Variants in INSYN2B observed in about 807,000 individuals in gnomAD.
INSYN2B encodes the protein inhibitory synaptic factor family member 2B.
A neutral mutation model predicts 41.2 loss-of-function variants in INSYN2B; 16 were observed. The ratio of observed to expected loss-of-function variants is 0.39; its 90% CI spans 0.26 to 0.59. The LOEUF is 0.59. Ranked by LOEUF, INSYN2B falls within the 20% of genes least tolerant of loss-of-function variation. INSYN2B has a pLI of 0.57. For missense variants in INSYN2B, 608 were observed against 646.4 expected (o/e 0.94, Z 0.64); for synonymous variants, 245 against 244.4 (o/e 1.00, Z -0.02).
intron 1 of INSYN2B, among the ~76,000 whole-genome samples, chr5:169,937,171 C>G (rs972567318): frequency 6.6e-6 from 1 of 152,210 alleles, no homozygotes; most frequent in African/African-American, 2.4e-5. Context: ...GTATAGTTGT[C>G]CAGAGCTGCT....
At chr5:169,938,041 T>C (rs1776071814) in intron 1 of INSYN2B, among the ~76,000 whole-genome samples, 2 of 152,238 alleles carry the variant, frequency 1.3e-5, no homozygotes, top group Admixed American at 6.5e-5. Flanking sequence ...CCATTAAGTT[T>C]TGAAAGAGCC....
chr5:169,979,258 G>C lies in INSYN2B; in HGVS notation c.-919+1019C>G, dbSNP rs1777852792. 2.0e-5 allele frequency among the ~76,000 whole-genome samples: 3 copies of C among 152,192 alleles called. No homozygotes were observed. The South Asian group carries it at 6.2e-4, about 32-fold the overall frequency. ...TTTGAACAACGTCAGTGTTAGGGCT[G>C]TCTAAGTTGCTAGGGCAAATGCAGT... On this transcript the variant is annotated intron_variant, in intron 1 of 3. Transcript: ENST00000377365.
intron 1 of INSYN2B, chr5:169,934,800 T>TA (rs1775913219): frequency 4.5e-6 from 2 of 444,876 alleles, no homozygotes; most frequent in Non-Finnish European, 9.1e-6. Flanking sequence ...GTTTCATTAT[T>TA]ATCTGTATGA....
rs535244796 is a variant in INSYN2B at position 169,904,636 on chromosome 5, A to G, written c.-918-19820T>C. 3.3e-5 allele frequency among the ~76,000 whole-genome samples: 5 copies of G among 152,246 alleles called. No individual in the cohort carries two copies. The East Asian group carries it at 9.6e-4, about 29-fold the overall frequency. On this transcript the variant is annotated intron_variant, in intron 1 of 3. Transcript: ENST00000377365. ...GGCCTTCCAACCAGCCTCTCCCCCT[A>G]GTGAGGGCCCCGCAGTCCTTTAAGA...
intron 1 of INSYN2B, among the ~76,000 whole-genome samples, chr5:169,937,137 C>T (rs749178833): frequency 1.5e-4 from 23 of 152,148 alleles, no homozygotes; most frequent in Admixed American, 3.9e-4. Flanking sequence ...AGTTTTACTG[C>T]GGCACAGATA....
intron 1 of INSYN2B, among the ~76,000 whole-genome samples, chr5:169,904,686 A>G (rs1437300638): frequency 6.6e-6 from 1 of 152,172 alleles, no homozygotes; most frequent in Non-Finnish European, 1.5e-5. Flanking sequence ...TTAAACAGAC[A>G]ATAAGTCTGA....
chr5:169,866,328 G>C (rs879652713), intron 3 of INSYN2B, among the ~76,000 whole-genome samples: 1 of 152,170 alleles, frequency 6.6e-6, no homozygotes, highest in African/African-American at 2.4e-5. Flanking sequence ...TGAAACATAG[G>C]CTGTGGTTTT....
chr5:169,950,556 G>A (rs373543218), intron 1 of INSYN2B, among the ~76,000 whole-genome samples: 2 of 152,288 alleles, frequency 1.3e-5, no homozygotes, highest in African/African-American at 4.8e-5. Context: ...CATTCTCTGG[G>A]GGTTGTGTCA....
chr5:169,895,305 T>C lies in INSYN2B; in HGVS notation c.-918-10489A>G, dbSNP rs1773531841. ...TTCCTTTCTCTCCCTCCTCCTTCCC[T>C]CTCTTGTTTCTTGCAAAGGGAAGAG... is the stretch of plus-strand genomic sequence containing the variant. On this transcript the variant is annotated intron_variant, in intron 1 of 3. Transcript: ENST00000377365. Among the ~76,000 whole-genome samples, 4 of 152,146 alleles carry C rather than the reference T, an allele frequency of 2.6e-5. No individual in the cohort carries two copies. In the South Asian group the frequency reaches 8.3e-4, roughly 32 times the overall value.
chr5:169,906,778 A>G (rs889841613), intron 1 of INSYN2B, among the ~76,000 whole-genome samples: 2 of 152,202 alleles, frequency 1.3e-5, no homozygotes, highest in Non-Finnish European at 2.9e-5. Context: ...ACTGTCAGAA[A>G]GAATTGAAGG....
At chr5:169,967,259 G>A (rs1052737522) in intron 1 of INSYN2B, among the ~76,000 whole-genome samples, 2 of 152,240 alleles carry the variant, frequency 1.3e-5, no homozygotes, top group African/African-American at 4.8e-5. Context: ...GAGAATCCCA[G>A]AAGCCTTTCC....
At chr5:169,880,057 C>A (rs1772547702) in intron 3 of INSYN2B, among the ~76,000 whole-genome samples, 1 of 152,004 alleles carries the variant, frequency 6.6e-6, no homozygotes. Context: ...AAAATTTGTT[C>A]AAGTTAGAAG....
intron 1 of INSYN2B, among the ~76,000 whole-genome samples, chr5:169,951,759 G>A (rs1226161573): frequency 6.6e-6 from 1 of 152,128 alleles, no homozygotes; most frequent in African/African-American, 2.4e-5. Flanking sequence ...ACTTATATTA[G>A]CTTGTTTAAG....
intron 1 of INSYN2B, among the ~76,000 whole-genome samples, chr5:169,971,091 G>A (rs1777488041): frequency 6.6e-6 from 1 of 152,076 alleles, no homozygotes; most frequent in African/African-American, 2.4e-5. Flanking sequence ...GGACTGCAGA[G>A]GATGGTAATC....
intron 1 of INSYN2B, among the ~76,000 whole-genome samples, chr5:169,895,029 C>G (rs183334352): frequency 1.8e-4 from 28 of 152,292 alleles, no homozygotes; most frequent in Non-Finnish European, 2.9e-4. Flanking sequence ...GTGCAGGAAT[C>G]TCAGACCATT....
chr5:169,929,945 AG>A (rs1775665403), intron 1 of INSYN2B, among the ~76,000 whole-genome samples: 1 of 152,248 alleles, frequency 6.6e-6, no homozygotes, highest in Admixed American at 6.5e-5. Context: ...ACATTGAAAT[AG>A]GGCTAATGTG....
intron 1 of INSYN2B, among the ~76,000 whole-genome samples, chr5:169,937,445 T>G (rs1388030216): frequency 6.6e-6 from 1 of 152,218 alleles, no homozygotes; most frequent in Admixed American, 6.5e-5. Flanking sequence ...CTCCTGAGAC[T>G]GTGAGAATTA....
intron 1 of INSYN2B, among the ~76,000 whole-genome samples, chr5:169,927,303 A>G (rs981027908): frequency 6.6e-6 from 1 of 152,186 alleles, no homozygotes; most frequent in African/African-American, 2.4e-5. Flanking sequence ...AAGGGGGTTG[A>G]GTTGTAATGC....
chr5:169,899,243 T>C (rs1773785007), intron 1 of INSYN2B, among the ~76,000 whole-genome samples: 1 of 152,188 alleles, frequency 6.6e-6, no homozygotes, highest in Admixed American at 6.5e-5. Context: ...TCCTTTTGCC[T>C]TCAGCACGCC....
Sources: gnomAD v4.1 joint callset for allele counts (sites outside exome capture counted in the v4.1 genomes callset) on GRCh38, gnomAD v4.1.1 for gene constraint, MANE v1.5 for transcripts, NCBI Gene and HGNC (gene_info 2026-07-23, HGNC 2026-07-21) for gene names.